KIAA1328: variants seen among roughly 807,000 people sequenced by gnomAD.
KIAA1328 encodes KIAA1328.
In KIAA1328, 52 loss-of-function variants were observed where a neutral mutation model predicts 68.1. The ratio of observed to expected loss-of-function variants is 0.76; its 90% CI spans 0.61 to 0.96. The LOEUF is 0.96. KIAA1328 is among the 40% of genes least tolerant of loss of function. KIAA1328 has a pLI of 0.00. For synonymous variants in KIAA1328, 232 were observed against 239.4 expected (o/e 0.97, Z 0.28); for missense variants, 641 against 677.6 (o/e 0.95, Z 0.60).
chr18:37,211,757 A>T (rs572261287), intron 9 of KIAA1328, among the ~76,000 whole-genome samples: 1 of 152,344 alleles, frequency 6.6e-6, no homozygotes, highest in South Asian at 2.1e-4. Flanking sequence ...CATAGTAATG[A>T]GTACTCAGAA....
chr18:37,162,673 T>C (rs1026152539), intron 8 of KIAA1328, among the ~76,000 whole-genome samples: 1 of 152,194 alleles, frequency 6.6e-6, no homozygotes. Flanking sequence ...CATCACCTTC[T>C]TAATTGCTTT....
At chr18:37,057,182 G>A (rs1475345432) in intron 6 of KIAA1328, among the ~76,000 whole-genome samples, 1 of 152,048 alleles carries the variant, frequency 6.6e-6, no homozygotes. Flanking sequence ...TGGGTTTTGA[G>A]CATATTCATA....
chr18:37,123,060 A>G (rs1483151257), intron 7 of KIAA1328, among the ~76,000 whole-genome samples: 1 of 152,176 alleles, frequency 6.6e-6, no homozygotes, highest in Non-Finnish European at 1.5e-5. Flanking sequence ...CTAGTTGTAG[A>G]ACTTGAGCAA....
intron 6 of KIAA1328, among the ~76,000 whole-genome samples, chr18:37,058,787 A>G (rs1380012527): frequency 2.0e-5 from 3 of 152,162 alleles, no homozygotes; most frequent in Non-Finnish European, 4.4e-5. Context: ...TTGAAGCACA[A>G]AAGGTTCAAA....
chr18:37,082,264 T>C (rs927182758), intron 7 of KIAA1328, among the ~76,000 whole-genome samples: 7 of 147,138 alleles, frequency 4.8e-5, no homozygotes, highest in African/African-American at 1.5e-4. Flanking sequence ...CTCTGTCTCC[T>C]GGGTTCAAGC....
intron 4 of KIAA1328, among the ~76,000 whole-genome samples, chr18:36,876,866 G>C (rs544734127): frequency 5.9e-5 from 9 of 152,072 alleles, no homozygotes; most frequent in African/African-American, 2.2e-4. Flanking sequence ...AGAGATTCTG[G>C]TACGTTGTGT....
intron 7 of KIAA1328, among the ~76,000 whole-genome samples, chr18:37,101,776 G>T (rs979481708): frequency 2.6e-5 from 4 of 152,212 alleles, no homozygotes; most frequent in South Asian, 2.1e-4. Flanking sequence ...AGAAAGGTCG[G>T]GTTACCCACA....
intron 5 of KIAA1328, among the ~76,000 whole-genome samples, chr18:36,953,136 G>A (rs2051232227): frequency 6.7e-6 from 1 of 150,332 alleles, no homozygotes; most frequent in African/African-American, 2.4e-5. Flanking sequence ...TATCTGCTTT[G>A]CCCCCTCTCG....
At chr18:36,844,182 G>T in intron 3 of KIAA1328, 26 bp from the exon 4 acceptor site, 1 of 1,492,352 alleles carries the variant, frequency 6.7e-7, no homozygotes, top group Non-Finnish European at 9.1e-7. Flanking sequence ...TTTAGAAAAA[G>T]TGTAACTAAA....
chr18:36,991,489 G>C (rs1321386853), intron 6 of KIAA1328, among the ~76,000 whole-genome samples: 28 of 152,134 alleles, frequency 1.8e-4, no homozygotes, highest in Admixed American at 1.8e-3. Flanking sequence ...AAAACCTTGA[G>C]ACTTTACTGG....
intron 5 of KIAA1328, among the ~76,000 whole-genome samples, chr18:36,941,740 A>T (rs990898775): frequency 1.3e-5 from 2 of 152,186 alleles, no homozygotes; most frequent in Non-Finnish European, 2.9e-5. Flanking sequence ...CTCTTACCCT[A>T]TTCACAAATA....
At chr18:37,044,376 G>T (rs911653879) in intron 6 of KIAA1328, among the ~76,000 whole-genome samples, 1 of 152,068 alleles carries the variant, frequency 6.6e-6, no homozygotes, top group Non-Finnish European at 1.5e-5. Context: ...TAGGAACGTG[G>T]TAAAGGAAAG....
At chr18:36,893,451 GTGTGTGTGTGTTTT>G (rs1265073264) in intron 5 of KIAA1328, among the ~76,000 whole-genome samples, 1 of 137,606 alleles carries the variant, frequency 7.3e-6, no homozygotes, top group Non-Finnish European at 1.6e-5. Context: ...GTGTGTGTGT[GTGTGTGTGTGTTTT>G]TGTGTGTGTG....
chr18:37,193,029 C>G (rs934781993), intron 9 of KIAA1328, among the ~76,000 whole-genome samples: 3 of 152,096 alleles, frequency 2.0e-5, no homozygotes, highest in African/African-American at 7.2e-5. Context: ...TCTCTGAGAT[C>G]AAGTTCATTG....
At position 37,160,362 on chromosome 18, in the gene KIAA1328, T is replaced by C. The variant is rs1349403740; in HGVS notation, c.1395T>C (p.Asp465=). The C allele has an allele frequency of 6.2e-7, 1 of 1,613,368 alleles. No individual in the cohort carries two copies. The highest frequency in any genetic ancestry group is 1.7e-5 in the Admixed American group (1 of 59,972). Reference sequence around the variant, plus strand: ...CCCAGTGGTCATGTCAAAAGAAAGATACATGTAGACCCCAAAGAGGTAAGT... The same window carrying C: ...CCCAGTGGTCATGTCAAAAGAAAGACACATGTAGACCCCAAAGAGGTAAGT... ...DDAQWSCQKK[D]TCRPQRGTVT... The change falls in exon 8 of 10, where the codon GAT becomes GAC. Residue 465 remains aspartate (D), a synonymous_variant. Coordinates refer to ENST00000280020, the MANE Select transcript of KIAA1328 (RefSeq NM_020776.3).
intron 7 of KIAA1328, among the ~76,000 whole-genome samples, chr18:37,138,362 T>G (rs1204252471): frequency 6.6e-6 from 1 of 152,228 alleles, no homozygotes. Flanking sequence ...GCTAATGTTC[T>G]TAACCACTCT....
Position 36,985,581 on chromosome 18 carries a change from A to G in KIAA1328, c.576+26146A>G, listed in dbSNP as rs117831994. Among the ~76,000 whole-genome samples, 41 of 152,330 alleles carry G rather than the reference A, an allele frequency of 2.7e-4. No individual in the cohort carries two copies. The East Asian group carries it at 7.7e-3, about 29-fold the overall frequency. On this transcript the variant is annotated intron_variant, in intron 6 of 9. Transcript: ENST00000280020. ...CTAACTCATTTTTCGGCAAAGATGC[A>G]AATGACATTCAACGGAGGAAGAATA... is the stretch of plus-strand genomic sequence containing the variant.
At chr18:36,829,791 A>C (rs1051894909) in intron 1 of KIAA1328, among the ~76,000 whole-genome samples, 9 of 152,002 alleles carry the variant, frequency 5.9e-5, no homozygotes, top group African/African-American at 2.2e-4. Context: ...TTGTGCCTGG[A>C]AGTATTGTTG....
intron 4 of KIAA1328, among the ~76,000 whole-genome samples, chr18:36,845,003 A>T (rs1191241741): frequency 4.6e-5 from 7 of 151,880 alleles, no homozygotes; most frequent in Non-Finnish European, 8.9e-5. Flanking sequence ...AAATAAAGAT[A>T]ACAATATTAG....
Sources: allele counts gnomAD v4.1 joint callset (sites outside exome capture counted in the v4.1 genomes callset), GRCh38; gene constraint gnomAD v4.1.1; transcripts MANE v1.5; gene names NCBI Gene and HGNC (gene_info 2026-07-23, HGNC 2026-07-21).